TGFA: variants seen among roughly 807,000 people sequenced by gnomAD.
TGFA encodes transforming growth factor alpha.
Under a neutral mutation model 21.7 loss-of-function variants are expected in TGFA, and 12 were observed. The observed-to-expected ratio is 0.55, with a 90% CI of 0.35 to 0.90. The LOEUF is 0.90. Ranked by LOEUF, TGFA falls within the 40% of genes least tolerant of loss-of-function variation. The pLI is 0.01. For synonymous variants in TGFA, 79 were observed against 88.1 expected, an observed-to-expected ratio of 0.90 and a Z score of 0.58; for missense variants, 178 against 210.8, an observed-to-expected ratio of 0.84 and a Z score of 0.96.
intron 2 of TGFA, 77 bp downstream of exon 2, chr2:70,514,782 G>C: frequency 1.4e-6 from 2 of 1,480,390 alleles, no homozygotes. Context: ...CAGGGAGGGA[G>C]CTCTTGAGGA....
chr2:70,530,582 G>GCGGC (rs1486858560), intron 1 of TGFA, among the ~76,000 whole-genome samples: 1 of 142,060 alleles, frequency 7.0e-6, no homozygotes, highest in Non-Finnish European at 1.5e-5. Context: ...TGGGCCACAG[G>GCGGC]CGGCCCATGG....
rs1669919412 is a variant in TGFA, at chr2:70,447,591, C to A, written c.*3268G>T. The A allele has an allele frequency of 6.6e-6, 1 of 152,490 alleles. No individual in the cohort carries two copies. Among genetic ancestry groups the A allele is most frequent in the African/African-American group, 2.4e-5 (1 of 41,382 alleles). The allele number at this position is 152,490 out of a possible 1,614,324, so 9.4% of individuals were successfully genotyped here. On this transcript the variant is annotated 3_prime_UTR_variant, in exon 6 of 6. Coordinates refer to ENST00000295400, the MANE Select transcript of TGFA (RefSeq NM_003236.4). ...TATAATAAAGATAATGAAAAGTTGA[C>A]CATTTTAGTAAATTATTAAGACTAA...
chr2:70,452,994 G>A (rs1340752247), intron 5 of TGFA, among the ~76,000 whole-genome samples: 2 of 152,150 alleles, frequency 1.3e-5, no homozygotes, highest in African/African-American at 4.8e-5. Flanking sequence ...TGTGAGAGGT[G>A]AGTAACTTGT....
chr2:70,553,508 C>A (rs1673581232), intron 1 of TGFA: 4 of 1,381,390 alleles, frequency 2.9e-6, no homozygotes, highest in South Asian at 1.8e-5. Context: ...ACGGCCCAGG[C>A]AGCCACTTTC....
At chr2:70,544,576 G>C (rs1673234190) in intron 1 of TGFA, among the ~76,000 whole-genome samples, 1 of 152,174 alleles carries the variant, frequency 6.6e-6, no homozygotes, top group African/African-American at 2.4e-5. Flanking sequence ...CTGGAACTCT[G>C]CCTCATTCTT....
chr2:70,530,342 T>C (rs1672777643), intron 1 of TGFA, among the ~76,000 whole-genome samples: 1 of 152,234 alleles, frequency 6.6e-6, no homozygotes, highest in Admixed American at 6.5e-5. Flanking sequence ...TGCTGCCACC[T>C]GGAATGAAGG....
chr2:70,544,404 T>G (rs974507272), intron 1 of TGFA, among the ~76,000 whole-genome samples: 2 of 152,030 alleles, frequency 1.3e-5, no homozygotes, highest in Non-Finnish European at 2.9e-5. Context: ...TAAATGATCA[T>G]CTACCTAGAA....
intron 3 of TGFA, 132 bp from the exon 4 acceptor site, chr2:70,456,620 A>G: frequency 8.8e-7 from 1 of 1,142,052 alleles, no homozygotes; most frequent in Non-Finnish European, 1.2e-6. Flanking sequence ...AGCTTTTGCA[A>G]TTGGAGGGAA....
chr2:70,458,102 G>GT (rs1325488464), intron 3 of TGFA, among the ~76,000 whole-genome samples: 32 of 151,848 alleles, frequency 2.1e-4, no homozygotes, highest in Admixed American at 3.3e-4. Flanking sequence ...CAGGGGCAGG[G>GT]TTTTTTTTGT....
intron 1 of TGFA, among the ~76,000 whole-genome samples, chr2:70,534,382 A>T (rs1553504109): frequency 6.6e-6 from 1 of 152,010 alleles, no homozygotes; most frequent in Non-Finnish European, 1.5e-5. Context: ...TTTGGGGGAA[A>T]TGTTGGTGGG....
chr2:70,464,993 G>A (rs1559102167), intron 3 of TGFA, among the ~76,000 whole-genome samples: 1 of 152,218 alleles, frequency 6.6e-6, no homozygotes, highest in Non-Finnish European at 1.5e-5. Flanking sequence ...GTGATTCCCA[G>A]GTCCCACTCC....
intron 1 of TGFA, among the ~76,000 whole-genome samples, chr2:70,529,596 C>CG (rs1553503481): frequency 7.3e-6 from 1 of 136,144 alleles, no homozygotes; most frequent in Admixed American, 6.9e-5. Context: ...AATCCCCCCG[C>CG]CCCAGTCCTA....
At chr2:70,455,193 C>T (rs1553490277) in intron 4 of TGFA, among the ~76,000 whole-genome samples, 2 of 152,112 alleles carry the variant, frequency 1.3e-5, no homozygotes, top group South Asian at 2.1e-4. Flanking sequence ...AGACCTCAAA[C>T]CTCACCACTC....
intron 2 of TGFA, among the ~76,000 whole-genome samples, chr2:70,500,676 A>C (rs1261066517): frequency 1.3e-5 from 2 of 152,188 alleles, no homozygotes; most frequent in Non-Finnish European, 2.9e-5. Context: ...GCAGTAAAAC[A>C]GACTGTCTGG....
chr2:70,482,098 A>G (rs1671141430), intron 2 of TGFA, among the ~76,000 whole-genome samples: 2 of 143,040 alleles, frequency 1.4e-5, no homozygotes, highest in South Asian at 4.5e-4. Context: ...CTCTCACCTC[A>G]GGGAAAATTC....
intron 1 of TGFA, among the ~76,000 whole-genome samples, chr2:70,534,081 C>A (rs1244797143): frequency 6.6e-6 from 1 of 152,140 alleles, no homozygotes; most frequent in Non-Finnish European, 1.5e-5. Flanking sequence ...CTGAAGTGTC[C>A]ACTATTCGGA....
At chr2:70,528,636 A>G (rs1432472750) in intron 1 of TGFA, among the ~76,000 whole-genome samples, 2 of 152,220 alleles carry the variant, frequency 1.3e-5, no homozygotes, top group Admixed American at 1.3e-4. Flanking sequence ...TTTTAGTGCA[A>G]CTGGCCTTGC....
At chr2:70,486,084 A>G (rs937328954) in intron 2 of TGFA, among the ~76,000 whole-genome samples, 5 of 152,240 alleles carry the variant, frequency 3.3e-5, no homozygotes, top group Admixed American at 6.5e-5. Context: ...CTGCTACATC[A>G]GGAAGTCATT....
At chr2:70,547,785 G>A (rs984817231) in intron 1 of TGFA, among the ~76,000 whole-genome samples, 11 of 146,678 alleles carry the variant, frequency 7.5e-5, no homozygotes, top group African/African-American at 2.7e-4. Flanking sequence ...ATGTAATATA[G>A]TATACTATCT....
Sources: gnomAD v4.1 joint callset for allele counts (sites outside exome capture counted in the v4.1 genomes callset) on GRCh38, gnomAD v4.1.1 for gene constraint, MANE v1.5 for transcripts, NCBI Gene and HGNC (gene_info 2026-07-23, HGNC 2026-07-21) for gene names.